FER: variants seen among roughly 807,000 people sequenced by gnomAD.
The protein encoded by FER is tyrosine-protein kinase Fer.
Under a neutral mutation model 111.0 loss-of-function variants are expected in FER, and 63 were observed. That is an observed-to-expected ratio of 0.57 (90% CI 0.46 to 0.70). The LOEUF is 0.70. FER is among the 30% of genes least tolerant of loss of function. The probability of loss-of-function intolerance (pLI) is 0.00; values close to 1 mark genes in which losing one functional copy is unlikely to be tolerated. For missense variants in FER, 914 were observed against 954.0 expected (o/e 0.96, Z 0.55); for synonymous variants, 327 against 313.9 (o/e 1.04, Z -0.44).
chr5:108,773,215 ATG>A (rs1753117116), intron 2 of FER, among the ~76,000 whole-genome samples: 1 of 152,158 alleles, frequency 6.6e-6, no homozygotes, highest in Admixed American at 6.6e-5. Flanking sequence ...TCAGGGTTAC[ATG>A]TGCAGGATGT....
intron 17 of FER, among the ~76,000 whole-genome samples, chr5:109,118,729 T>C (rs1561917280): frequency 6.6e-6 from 1 of 152,172 alleles, no homozygotes; most frequent in Non-Finnish European, 1.5e-5. Context: ...CCTTGTTTAG[T>C]CTTGGAAGGG....
chr5:108,750,720 A>T (rs1311749098), intron 1 of FER, among the ~76,000 whole-genome samples: 3 of 152,232 alleles, frequency 2.0e-5, no homozygotes, highest in Admixed American at 2.0e-4. Flanking sequence ...GTAACTCTGG[A>T]CCGTGAACAT....
chr5:109,166,193 G>T (rs1756541121), intron 17 of FER, among the ~76,000 whole-genome samples: 2 of 151,294 alleles, frequency 1.3e-5, no homozygotes, highest in South Asian at 4.2e-4. Context: ...TTGTCTGTCT[G>T]TCTGTTGGGG....
At chr5:108,822,794 T>TTATGTTATGTTATGTTATGTTATG (rs1561470308) in intron 3 of FER, among the ~76,000 whole-genome samples, 4 of 151,624 alleles carry the variant, frequency 2.6e-5, no homozygotes, top group African/African-American at 9.7e-5. Context: ...TTTATGTTAT[T>TTATGTTATGTTATGTTATGTTATG]TTATGTTATT....
chr5:108,814,000 C>T (rs1284110747), intron 3 of FER, among the ~76,000 whole-genome samples: 1 of 152,072 alleles, frequency 6.6e-6, no homozygotes, highest in Non-Finnish European at 1.5e-5. Context: ...GTAAATATCT[C>T]TAGTAGATTT....
intron 13 of FER, among the ~76,000 whole-genome samples, chr5:109,016,093 T>C (rs1290472425): frequency 6.6e-6 from 1 of 152,000 alleles, no homozygotes; most frequent in Non-Finnish European, 1.5e-5. Flanking sequence ...TAGGTGACTT[T>C]TTCCCTCTAT....
chr5:109,187,457 A>C lies in FER; in HGVS notation c.2351A>C (p.His784Pro). The C allele has an allele frequency of 6.2e-7, 1 of 1,614,056 alleles. No homozygotes were observed. Among genetic ancestry groups the C allele is most frequent in the Non-Finnish European group, 8.5e-7 (1 of 1,179,964 alleles). The change falls in exon 20 of 20, where the codon CAC becomes CCC. Residue 784 changes from histidine (H) to proline (P), a missense_variant. Around this residue, in one of 3 missense-constraint regions of FER, gnomAD observed 134 missense variants for 149.4 expected, o/e 0.90. Coordinates refer to ENST00000281092, the MANE Select transcript of FER (RefSeq NM_005246.4). ...GGATACCGGATGTCAGCTCCCCAGC[A>C]CTGTCCAGAGGATATTTCCAAAATC... is the stretch of plus-strand genomic sequence containing the variant. Reference protein sequence around the residue: ...ERGYRMSAPQHCPEDISKIMM... With the variant: ...ERGYRMSAPQPCPEDISKIMM...
intron 11 of FER, among the ~76,000 whole-genome samples, chr5:108,950,764 G>A (rs867083393): frequency 3.2e-4 from 49 of 151,942 alleles, no homozygotes; most frequent in African/African-American, 1.2e-3. Context: ...AAAAAATTAT[G>A]TTCAACTATC....
intron 17 of FER, among the ~76,000 whole-genome samples, chr5:109,145,993 T>TA (rs1224560064): frequency 6.6e-6 from 1 of 151,284 alleles, no homozygotes; most frequent in African/African-American, 2.4e-5. Context: ...TTAGGTGATT[T>TA]ACATCTTATG....
intron 2 of FER, among the ~76,000 whole-genome samples, chr5:108,788,861 A>G (rs1010532891): frequency 5.9e-5 from 9 of 152,140 alleles, no homozygotes; most frequent in African/African-American, 2.2e-4. Context: ...TGTCATGATT[A>G]TTGATTTCTA....
rs141937151 is a variant in FER, at chr5:109,092,189, T to C, written c.1925-8207T>C. 4.8e-3 allele frequency among the ~76,000 whole-genome samples: 720 copies of C among 148,486 alleles called. 7 individuals are homozygous for C. Among genetic ancestry groups the C allele is most frequent in the African/African-American group, 0.017 (688 of 40,326 alleles). ...GCTAGAAGAAAACATGGATATTTGA[T>C]TGGACAATGATATTTGGATATGACA... On this transcript the variant is annotated intron_variant, in intron 16 of 19. Transcript: ENST00000281092.
chr5:108,867,876 T>G lies in FER; in HGVS notation c.591T>G (p.Asn197Lys), dbSNP rs1255978656. 6.2e-7 allele frequency: 1 copy of G among 1,613,226 alleles called. No homozygotes were observed. Among genetic ancestry groups the G allele is most frequent in the South Asian group, 1.1e-5 (1 of 91,044 alleles). Residue 197 changes from asparagine to lysine, a missense_variant, in exon 6 of 20, where the codon AAT becomes AAG. Transcript: ENST00000281092. ...LALKGAQLHQ[N>K]QYYDITLPLL... is the part of the protein sequence containing the mutation. Reference sequence around the variant, plus strand: ...TGAAAGGGGCACAGCTCCATCAGAATCAGTATTATGATATCACACTTCCCC... The same window carrying G: ...TGAAAGGGGCACAGCTCCATCAGAAGCAGTATTATGATATCACACTTCCCC...
intron 2 of FER, among the ~76,000 whole-genome samples, chr5:108,772,713 C>T (rs1004725739): frequency 4.6e-5 from 7 of 151,984 alleles, no homozygotes; most frequent in African/African-American, 1.7e-4. Context: ...GATAAGAAAA[C>T]TGGGAGATGT....
intron 18 of FER, 111 bp downstream of exon 18, chr5:109,181,012 G>A: frequency 1.2e-6 from 1 of 835,916 alleles, no homozygotes. Context: ...AGAATGATTT[G>A]AGGATCAACA....
At chr5:109,088,719 T>C (rs1777834755) in intron 16 of FER, among the ~76,000 whole-genome samples, 1 of 152,052 alleles carries the variant, frequency 6.6e-6, no homozygotes, top group African/African-American at 2.4e-5. Flanking sequence ...AAATTAAGAG[T>C]AAGTTATATA....
intron 13 of FER, among the ~76,000 whole-genome samples, chr5:108,961,135 A>G (rs907198380): frequency 3.9e-5 from 6 of 152,216 alleles, no homozygotes; most frequent in African/African-American, 1.4e-4. Context: ...AAGTATGAAC[A>G]TCAATTCCAG....
intron 2 of FER, among the ~76,000 whole-genome samples, chr5:108,784,676 A>G (rs1010175158): frequency 6.6e-6 from 1 of 152,228 alleles, no homozygotes; most frequent in East Asian, 1.9e-4. Context: ...AGTGATAAGC[A>G]TTGTTTCTGT....
chr5:109,042,545 AT>A (rs1330763339), intron 14 of FER, among the ~76,000 whole-genome samples: 2 of 152,200 alleles, frequency 1.3e-5, no homozygotes, highest in African/African-American at 4.8e-5. Flanking sequence ...TAAAGTTGAC[AT>A]TCTCTGGATA....
Position 109,146,259 on chromosome 5 carries a change from T to TATATATATTATCTATCTA in FER, c.2049-34480_2049-34479insTATCTATCTAATATATAT, listed in dbSNP as rs1561953857. Among the ~76,000 whole-genome samples the TATATATATTATCTATCTA allele has an allele frequency of 7.6e-5, 6 of 78,844 alleles. No individual in the cohort carries two copies. The East Asian group carries it at 8.9e-4, about 12-fold the overall frequency. 51.7% of individuals were successfully genotyped at this position (78,844 alleles called of 152,430 possible). ...ATATATATATAATCTATCTAATATA[T>TATATATATTATCTATCTA]ATATATATATATATATATATATATA... On this transcript the variant is annotated intron_variant, in intron 17 of 19. Coordinates refer to ENST00000281092, the MANE Select transcript of FER (RefSeq NM_005246.4).
Sources: allele counts gnomAD v4.1 joint callset (sites outside exome capture counted in the v4.1 genomes callset), GRCh38; gene constraint gnomAD v4.1.1; regional missense constraint gnomAD v4.1.1; transcripts MANE v1.5; gene names NCBI Gene and HGNC (gene_info 2026-07-23, HGNC 2026-07-21).